The following GALNTL6 variants were observed in gnomAD, a reference collection of about 807,000 sequenced individuals.
The protein encoded by GALNTL6 is polypeptide N-acetylgalactosaminyltransferase like 6.
Under a neutral mutation model 73.7 loss-of-function variants are expected in GALNTL6, and 46 were observed. That is an observed-to-expected ratio of 0.62 (90% confidence interval 0.49 to 0.80). The LOEUF (loss-of-function observed/expected upper bound fraction) is 0.80. Ranked by LOEUF, GALNTL6 falls within the 30% of genes least tolerant of loss-of-function variation. The probability of loss-of-function intolerance (pLI) is 0.00; values close to 1 mark genes in which losing one functional copy is unlikely to be tolerated. For missense variants in GALNTL6, 604 were observed against 755.0 expected (o/e 0.80, Z 2.34); for synonymous variants, 259 against 263.7 (o/e 0.98, Z 0.17).
intron 7 of GALNTL6, among the ~76,000 whole-genome samples, chr4:172,870,767 C>A (rs1393771480): frequency 6.6e-6 from 1 of 152,288 alleles, no homozygotes; most frequent in African/African-American, 2.4e-5. Context: ...AATGACACTA[C>A]AAGTACATGA....
chr4:172,145,814 T>A (rs1733912914), intron 2 of GALNTL6, among the ~76,000 whole-genome samples: 1 of 152,084 alleles, frequency 6.6e-6, no homozygotes. Context: ...CATATGATAG[T>A]CAATTAACAG....
At chr4:172,880,711 C>T (rs892607044) in intron 7 of GALNTL6, among the ~76,000 whole-genome samples, 1 of 152,014 alleles carries the variant, frequency 6.6e-6, no homozygotes, top group Non-Finnish European at 1.5e-5. Flanking sequence ...TACATAAACA[C>T]AGTAAATAAA....
chr4:172,092,912 T>C (rs1366063529), intron 2 of GALNTL6, among the ~76,000 whole-genome samples: 2 of 150,050 alleles, frequency 1.3e-5, no homozygotes, highest in African/African-American at 4.9e-5. Context: ...TCTTGCTCTG[T>C]CACCACGCTA....
At chr4:172,412,235 A>T (rs1744471526) in intron 5 of GALNTL6, among the ~76,000 whole-genome samples, 1 of 152,018 alleles carries the variant, frequency 6.6e-6, no homozygotes, top group Non-Finnish European at 1.5e-5. Flanking sequence ...ATAGAGACTG[A>T]TTTGCCTTGT....
At chr4:172,124,580 CTAAGT>C (rs139412807) in intron 2 of GALNTL6, among the ~76,000 whole-genome samples, 5,365 of 152,008 alleles carry the variant, frequency 0.035, 150 homozygotes, top group East Asian at 0.045. Flanking sequence ...TTCAGCTTTC[CTAAGT>C]TATCAAAAAA....
At chr4:171,971,716 ATATTT>A (rs1739575524) in intron 2 of GALNTL6, among the ~76,000 whole-genome samples, 1 of 152,186 alleles carries the variant, frequency 6.6e-6, no homozygotes, top group African/African-American at 2.4e-5. Flanking sequence ...TTAAAGTCCT[ATATTT>A]GAATATTATA....
chr4:172,499,558 CA>C (rs1734189674), intron 5 of GALNTL6, among the ~76,000 whole-genome samples: 1 of 152,212 alleles, frequency 6.6e-6, no homozygotes, highest in South Asian at 2.1e-4. Flanking sequence ...ATATCCAGGA[CA>C]GAATAAAAAG....
intron 2 of GALNTL6, among the ~76,000 whole-genome samples, chr4:172,001,757 T>G (rs1048333463): frequency 2.0e-5 from 3 of 152,134 alleles, no homozygotes; most frequent in African/African-American, 7.2e-5. Context: ...AAGATAAAGC[T>G]GCTTCAGGTA....
intron 4 of GALNTL6, among the ~76,000 whole-genome samples, chr4:172,330,851 T>C (rs1437758450): frequency 6.6e-6 from 1 of 152,132 alleles, no homozygotes; most frequent in East Asian, 1.9e-4. Context: ...TGACTTACTG[T>C]TAGTTTTATG....
At chr4:172,177,052 T>A (rs561202768) in intron 2 of GALNTL6, among the ~76,000 whole-genome samples, 1 of 152,278 alleles carries the variant, frequency 6.6e-6, no homozygotes, top group South Asian at 2.1e-4. Flanking sequence ...CACCCCAGGT[T>A]AGAATTCAGT....
chr4:172,421,277 A>C (rs1002690724), intron 5 of GALNTL6, among the ~76,000 whole-genome samples: 1 of 152,138 alleles, frequency 6.6e-6, no homozygotes, highest in Non-Finnish European at 1.5e-5. Context: ...CTAATTTGTA[A>C]AGTGAAAATA....
intron 2 of GALNTL6, among the ~76,000 whole-genome samples, chr4:172,132,780 T>C (rs1251739702): frequency 6.6e-6 from 1 of 152,174 alleles, no homozygotes; most frequent in Admixed American, 6.5e-5. Flanking sequence ...TGTTCCTCTT[T>C]GAGATTTGAA....
intron 7 of GALNTL6, among the ~76,000 whole-genome samples, chr4:172,819,994 C>T (rs1325128119): frequency 6.6e-6 from 1 of 152,166 alleles, no homozygotes. Context: ...TTTACCAGTC[C>T]TTACAGCAAG....
rs1369187291 is a variant in GALNTL6, at chr4:172,069,369, G to A, written c.139-160287G>A. On this transcript the variant is annotated intron_variant, in intron 2 of 12. Transcript: ENST00000506823. ...AATCAATTATAAATATATGTAGTGT[G>A]TATATATATGTGTGTGTACATATGT... Among the ~76,000 whole-genome samples the A allele has an allele frequency of 3.2e-5, 3 of 94,494 alleles. 1 individual carries two copies. The highest frequency in any genetic ancestry group is 8.0e-5 in the African/African-American group (2 of 24,946). The allele number at this position is 94,494 out of a possible 152,430, so 62.0% of individuals were successfully genotyped here.
At chr4:172,708,654 T>G (rs934989320) in intron 5 of GALNTL6, among the ~76,000 whole-genome samples, 11 of 152,220 alleles carry the variant, frequency 7.2e-5, no homozygotes, top group Non-Finnish European at 1.6e-4. Flanking sequence ...CAGTGTCCCC[T>G]ACATGGTGAG....
chr4:172,834,224 A>G (rs1157683675), intron 7 of GALNTL6, among the ~76,000 whole-genome samples: 1 of 152,322 alleles, frequency 6.6e-6, no homozygotes, highest in Non-Finnish European at 1.5e-5. Context: ...GGTATAGAGA[A>G]GTGTGGACCC....
At chr4:172,373,571 G>T (rs2111263437) in intron 5 of GALNTL6, among the ~76,000 whole-genome samples, 1 of 152,290 alleles carries the variant, frequency 6.6e-6, no homozygotes, top group African/African-American at 2.4e-5. Flanking sequence ...AAGAGGTGGG[G>T]TCTTTTAGCC....
intron 12 of GALNTL6, among the ~76,000 whole-genome samples, chr4:173,033,909 A>C (rs1753575391): frequency 6.6e-6 from 1 of 152,166 alleles, no homozygotes; most frequent in African/African-American, 2.4e-5. Context: ...GACACAGAGG[A>C]GCTACCCTGA....
intron 5 of GALNTL6, among the ~76,000 whole-genome samples, chr4:172,566,732 A>T (rs1736567836): frequency 6.6e-6 from 1 of 151,956 alleles, no homozygotes; most frequent in Admixed American, 6.5e-5. Flanking sequence ...AAAAAAATAA[A>T]TGGAACTAAA....
Sources: allele counts gnomAD v4.1 joint callset (sites outside exome capture counted in the v4.1 genomes callset), GRCh38; gene constraint gnomAD v4.1.1; transcripts MANE v1.5; gene names NCBI Gene and HGNC (gene_info 2026-07-23, HGNC 2026-07-21).